The following SCUBE1 variants were observed in gnomAD, a reference collection of about 807,000 sequenced individuals.
SCUBE1 encodes the protein signal peptide, CUB and EGF-like domain-containing protein 1.
In SCUBE1, 59 loss-of-function variants were observed where a neutral mutation model predicts 124.4. The ratio of observed to expected loss-of-function variants is 0.47; its 90% confidence interval spans 0.38 to 0.59. The LOEUF is 0.59. Ranked by LOEUF, SCUBE1 falls within the 20% of genes least tolerant of loss-of-function variation. The pLI, the probability that SCUBE1 is intolerant of heterozygous loss-of-function variation, is 0.00. For missense variants in SCUBE1, 1,150 were observed against 1,371.2 expected, an observed-to-expected ratio of 0.84 and a Z score of 2.55; for synonymous variants, 545 against 550.9, an observed-to-expected ratio of 0.99 and a Z score of 0.15.
intron 2 of SCUBE1, among the ~76,000 whole-genome samples, chr22:43,335,790 G>GTGATGATGATGGTGATGA (rs1927047388): frequency 6.9e-6 from 1 of 144,802 alleles, no homozygotes; most frequent in Non-Finnish European, 1.5e-5. Context: ...GATGGTGATG[G>GTGATGATGATGGTGATGA]TGATGATGAT....
At chr22:43,280,372 C>T (rs1924719587) in intron 4 of SCUBE1, among the ~76,000 whole-genome samples, 1 of 150,184 alleles carries the variant, frequency 6.7e-6, no homozygotes. Context: ...CACCAAGTCT[C>T]TCACCGTCCC....
chr22:43,286,345 G>C (rs1212385475), intron 4 of SCUBE1, among the ~76,000 whole-genome samples: 1 of 152,248 alleles, frequency 6.6e-6, no homozygotes, highest in Admixed American at 6.5e-5. Flanking sequence ...AGCCTGTGCT[G>C]TCTCCTACAA....
At chr22:43,275,369 T>C (rs1924462097) in intron 4 of SCUBE1, among the ~76,000 whole-genome samples, 1 of 152,188 alleles carries the variant, frequency 6.6e-6, no homozygotes, top group Non-Finnish European at 1.5e-5. Flanking sequence ...TGAAGGCACT[T>C]TGTGAACGGA....
At chr22:43,318,105 A>G (rs1926413918) in intron 3 of SCUBE1, 1 of 152,210 alleles carries the variant, frequency 6.6e-6, no homozygotes, top group Admixed American at 6.5e-5. Context: ...TCTGTTATTT[A>G]AGCCCTAGTT....
At chr22:43,306,577 C>CA (rs1925977617) in intron 3 of SCUBE1, among the ~76,000 whole-genome samples, 1 of 152,108 alleles carries the variant, frequency 6.6e-6, no homozygotes, top group Non-Finnish European at 1.5e-5. Context: ...AAGGTGGCCT[C>CA]ATACAGGGAT....
In SCUBE1 at chr22:43,290,856, A is replaced by AGCT. The variant is rs563299722; in HGVS notation, c.484+189_484+190insAGC. Among the ~76,000 whole-genome samples the AGCT allele has an allele frequency of 1.2e-4, 19 of 152,350 alleles. No homozygotes were observed. The South Asian group carries it at 3.5e-3, about 28-fold the overall frequency. On this transcript the variant is annotated intron_variant, in intron 4 of 21. Coordinates refer to ENST00000360835, the MANE Select transcript of SCUBE1 (RefSeq NM_173050.5). ...GAAACACCCGCAGCCCTAGTGTAGCAGGTAGAGGGAAGGAACTGGAAGGAG... is the reference window on the plus strand; with the variant it reads ...GAAACACCCGCAGCCCTAGTGTAGCAGCTGGTAGAGGGAAGGAACTGGAAGGAG...
At chr22:43,283,333 T>C (rs538305245) in intron 4 of SCUBE1, 1 of 152,284 alleles carries the variant, frequency 6.6e-6, no homozygotes, top group Non-Finnish European at 1.5e-5. Context: ...TTGGACACAC[T>C]GTTTGCCTCT....
chr22:43,301,121 C>T (rs983950123), intron 3 of SCUBE1, among the ~76,000 whole-genome samples: 1 of 152,214 alleles, frequency 6.6e-6, no homozygotes, highest in African/African-American at 2.4e-5. Context: ...CACATTGAAG[C>T]CCTTAGCAGG....
chr22:43,204,915 T>C (rs1921159111), intron 21 of SCUBE1, among the ~76,000 whole-genome samples: 1 of 148,876 alleles, frequency 6.7e-6, no homozygotes, highest in Admixed American at 6.7e-5. Context: ...CTGCACTCCA[T>C]GCTGGATGAC....
At chr22:43,218,846 C>T (rs1380921379) in intron 14 of SCUBE1, among the ~76,000 whole-genome samples, 8 of 152,232 alleles carry the variant, frequency 5.3e-5, no homozygotes, top group Admixed American at 6.5e-5. Context: ...GGTCCAGCCC[C>T]GTATGGCCTT....
chr22:43,215,894 C>CA (rs1921788363), intron 15 of SCUBE1, among the ~76,000 whole-genome samples: 1 of 149,508 alleles, frequency 6.7e-6, no homozygotes, highest in Non-Finnish European at 1.5e-5. Flanking sequence ...TACACACTCA[C>CA]ACATGCATGC....
intron 4 of SCUBE1, among the ~76,000 whole-genome samples, chr22:43,286,912 C>T (rs1925169579): frequency 6.6e-6 from 1 of 152,242 alleles, no homozygotes; most frequent in South Asian, 2.1e-4. Flanking sequence ...GAAAAGGAGA[C>T]AGTTCCTCCA....
At chr22:43,262,997 A>C in intron 4 of SCUBE1, 152 bp from the exon 5 acceptor site, 1 of 756,422 alleles carries the variant, frequency 1.3e-6, no homozygotes, top group Non-Finnish European at 2.1e-6. Flanking sequence ...GCGCACACAC[A>C]CATATGCGTG....
rs201024502 is a variant in SCUBE1 at position 43,270,826 on chromosome 22, A to ACAAAACAAG, written c.485-7990_485-7982dup. 6.0e-3 allele frequency among the ~76,000 whole-genome samples: 913 copies of ACAAAACAAG among 152,298 alleles called. 12 individuals carry two copies. Among genetic ancestry groups the ACAAAACAAG allele is most frequent in the African/African-American group, 0.021 (866 of 41,542 alleles). ...ATCTGACTGTGTCTTCCTACTGTAA[A>ACAAAACAAG]CAAAACAAGCAAAACAAGCAAAAAA... On this transcript the variant is annotated intron_variant, in intron 4 of 21. Coordinates refer to ENST00000360835, the MANE Select transcript of SCUBE1 (RefSeq NM_173050.5).
intron 3 of SCUBE1, among the ~76,000 whole-genome samples, chr22:43,316,151 C>T (rs181463305): frequency 2.2e-4 from 33 of 152,314 alleles, no homozygotes; most frequent in Middle Eastern, 3.4e-3. Flanking sequence ...ACATGCTCCA[C>T]GTCCATGATC....
chr22:43,271,782 T>C (rs1322809642), intron 4 of SCUBE1, among the ~76,000 whole-genome samples: 1 of 152,050 alleles, frequency 6.6e-6, no homozygotes, highest in Non-Finnish European at 1.5e-5. Context: ...CTCTGGGAAA[T>C]GCAAGTGACC....
chr22:43,298,259 A>C (rs1432107220), intron 3 of SCUBE1, among the ~76,000 whole-genome samples: 1 of 152,216 alleles, frequency 6.6e-6, no homozygotes, highest in African/African-American at 2.4e-5. Context: ...AGCTGCTGGC[A>C]CAGGCGGCAG....
At chr22:43,260,952 T>G (rs2146710217) in intron 5 of SCUBE1, among the ~76,000 whole-genome samples, 1 of 152,270 alleles carries the variant, frequency 6.6e-6, no homozygotes, top group South Asian at 2.1e-4. Flanking sequence ...TACTATGGGG[T>G]CAGGGAGCAA....
chr22:43,221,091 G>C lies in SCUBE1; in HGVS notation c.1549+82C>G, dbSNP rs1338140508. ...CCACCCTTGGAAACCAGACTCGCTG[G>C]ACCCTGGGGCCCCAGCTCCCAGGCA... On this transcript the variant is annotated intron_variant, in intron 13 of 21. Coordinates refer to ENST00000360835, the MANE Select transcript of SCUBE1 (RefSeq NM_173050.5). The C allele has an allele frequency of 3.9e-6, 4 of 1,030,638 alleles. No individual in the cohort carries two copies. In the South Asian group the frequency reaches 4.0e-5, roughly 10 times the overall value. 63.8% of individuals were successfully genotyped at this position (1,030,638 alleles called of 1,614,324 possible).
Sources: allele counts gnomAD v4.1 joint callset (sites outside exome capture counted in the v4.1 genomes callset), GRCh38; gene constraint gnomAD v4.1.1; transcripts MANE v1.5; gene names NCBI Gene and HGNC (gene_info 2026-07-23, HGNC 2026-07-21).